The following SETDB2 variants were observed in gnomAD, a reference collection of about 807,000 sequenced individuals.
SETDB2 encodes the protein SET domain bifurcated histone lysine methyltransferase 2, also known as histone-lysine N-methyltransferase SETDB2.
A neutral mutation model predicts 82.5 loss-of-function variants in SETDB2; 56 were observed. The ratio of observed to expected loss-of-function variants is 0.68; its 90% CI spans 0.55 to 0.85. The LOEUF (loss-of-function observed/expected upper bound fraction) is 0.85, where lower values mean the gene tolerates loss of function less well. SETDB2 is among the 40% of genes least tolerant of loss of function. The pLI is 0.00. For synonymous variants in SETDB2, 272 were observed against 284.9 expected, an observed-to-expected ratio of 0.95 and a Z score of 0.46; for missense variants, 677 against 816.4, an observed-to-expected ratio of 0.83 and a Z score of 2.08.
intron 2 of SETDB2, among the ~76,000 whole-genome samples, chr13:49,453,387 C>G (rs954316615): frequency 6.6e-6 from 1 of 151,800 alleles, no homozygotes; most frequent in Non-Finnish European, 1.5e-5. Context: ...ACCTCTGCCT[C>G]CTGGGTTCAA....
At chr13:49,486,307 A>AAC in intron 11 of SETDB2, among the ~76,000 whole-genome samples, 1 of 151,058 alleles carries the variant, frequency 6.6e-6, no homozygotes, top group East Asian at 2.0e-4. Context: ...CTGTCTCAAA[A>AAC]AAAAAAATAA....
intron 2 of SETDB2, 66 bp from the exon 3 acceptor site, chr13:49,460,041 A>T: frequency 6.7e-7 from 1 of 1,495,972 alleles, no homozygotes; most frequent in Non-Finnish European, 9.1e-7. Context: ...GTTCTATAAC[A>T]TGTTCTTAGA....
Position 49,476,547 on chromosome 13 carries a change from C to T in SETDB2, c.377C>T (p.Ser126Leu), listed in dbSNP as rs779867444. 1.7e-5 allele frequency: 28 copies of T among 1,613,478 alleles called. No individual in the cohort carries two copies. The highest frequency in any genetic ancestry group is 2.2e-5 in the Non-Finnish European group (26 of 1,179,802). The stretch of plus-strand genomic sequence containing the variant: ...GACTTTAGAGAAAAAGACTCATCTT[C>T]GAATTTATCTTACCAAAGTCATGAC... ...VVDFREKDSS[S>L]NLSYQSHDCS... Residue 126 changes from serine to leucine, a missense_variant, in exon 6 of 14, where the codon TCG becomes TTG. This residue lies in a region of SETDB2 where 243 missense variants were observed against 237.2 expected (regional missense o/e 1.02). Transcript: ENST00000611815.
At chr13:49,477,394 C>T (rs543249785) in intron 6 of SETDB2, among the ~76,000 whole-genome samples, 1 of 152,086 alleles carries the variant, frequency 6.6e-6, no homozygotes, top group Non-Finnish European at 1.5e-5. Flanking sequence ...TGTGATCACA[C>T]ACTGTACCAG....
intron 5 of SETDB2, among the ~76,000 whole-genome samples, chr13:49,473,437 G>A: frequency 6.6e-6 from 1 of 151,458 alleles, no homozygotes; most frequent in East Asian, 1.9e-4. Context: ...TTTCGTCCCA[G>A]CTACTCGAGA....
intron 5 of SETDB2, among the ~76,000 whole-genome samples, chr13:49,475,606 C>T (rs996754091): frequency 6.6e-6 from 1 of 151,826 alleles, no homozygotes; most frequent in Non-Finnish European, 1.5e-5. Flanking sequence ...CCCACCTCAG[C>T]CCCCGAAGTA....
chr13:49,453,288 T>C (rs1957816501), intron 2 of SETDB2, among the ~76,000 whole-genome samples: 1 of 151,628 alleles, frequency 6.6e-6, no homozygotes, highest in Non-Finnish European at 1.5e-5. Context: ...GCTCTTTCAG[T>C]TGGCTCTTTT....
intron 6 of SETDB2, 28 bp downstream of exon 6, chr13:49,477,067 A>C (rs1190415901): frequency 6.5e-7 from 1 of 1,529,418 alleles, no homozygotes; most frequent in Non-Finnish European, 8.7e-7. Flanking sequence ...GCGTTTCAAA[A>C]AAATCTTCTG....
At chr13:49,469,591 A>G (rs1958186575) in intron 5 of SETDB2, among the ~76,000 whole-genome samples, 2 of 152,134 alleles carry the variant, frequency 1.3e-5, no homozygotes, top group Non-Finnish European at 2.9e-5. Context: ...TAACCTTTCT[A>G]TATTTTCTGT....
At chr13:49,447,372 C>T (rs1231503206) in intron 1 of SETDB2, among the ~76,000 whole-genome samples, 1 of 152,052 alleles carries the variant, frequency 6.6e-6, no homozygotes, top group East Asian at 1.9e-4. Flanking sequence ...CTTTAGGCCT[C>T]TTTTTATCTT....
intron 13 of SETDB2, among the ~76,000 whole-genome samples, chr13:49,491,126 C>T (rs1460085898): frequency 6.6e-6 from 1 of 152,110 alleles, no homozygotes; most frequent in African/African-American, 2.4e-5. Context: ...GTTTGGTGGC[C>T]AGCTACTCAG....
intron 2 of SETDB2, among the ~76,000 whole-genome samples, chr13:49,457,965 G>A (rs1183637362): frequency 6.6e-6 from 1 of 152,300 alleles, no homozygotes; most frequent in Admixed American, 6.5e-5. Flanking sequence ...ACTCATATCT[G>A]TGAAGGGAAA....
chr13:49,477,297 A>G (rs1264258278), intron 6 of SETDB2, among the ~76,000 whole-genome samples: 1 of 152,088 alleles, frequency 6.6e-6, no homozygotes, highest in Admixed American at 6.5e-5. Flanking sequence ...TTAGCTGGGT[A>G]TGGTGGTGTG....
At chr13:49,484,060 T>A (rs1259023006) in intron 10 of SETDB2, among the ~76,000 whole-genome samples, 8 of 152,308 alleles carry the variant, frequency 5.3e-5, no homozygotes, top group Non-Finnish European at 1.0e-4. Context: ...CATGTTCTGT[T>A]TACTTAGTAT....
chr13:49,465,737 A>C (rs775329003), intron 4 of SETDB2, among the ~76,000 whole-genome samples: 27 of 152,122 alleles, frequency 1.8e-4, no homozygotes, highest in Non-Finnish European at 2.9e-4. Flanking sequence ...GGGTTTCACT[A>C]TGTTGGCCAG....
chr13:49,458,096 T>C (rs1163689278), intron 2 of SETDB2, among the ~76,000 whole-genome samples: 1 of 152,202 alleles, frequency 6.6e-6, no homozygotes, highest in African/African-American at 2.4e-5. Flanking sequence ...TCACAAAATA[T>C]TTTCCTCATT....
At chr13:49,485,862 G>A (rs1310915559) in intron 11 of SETDB2, 139 bp downstream of exon 11, 2 of 856,954 alleles carry the variant, frequency 2.3e-6, no homozygotes, top group Middle Eastern at 2.2e-4. Context: ...GTCTACATAA[G>A]AGATCAGCAA....
At chr13:49,471,940 T>A (rs868200515) in intron 5 of SETDB2, among the ~76,000 whole-genome samples, 2,015 of 82,540 alleles carry the variant, frequency 0.024, 18 homozygotes, top group Middle Eastern at 0.068. Context: ...ATATATTTTT[T>A]TTTTTTTTTA....
chr13:49,472,382 G>C (rs984131228), intron 5 of SETDB2, among the ~76,000 whole-genome samples: 17 of 152,124 alleles, frequency 1.1e-4, no homozygotes, highest in Admixed American at 1.1e-3. Flanking sequence ...TTGATGTTCA[G>C]AGTGACTAAC....
Sources: allele counts gnomAD v4.1 joint callset (sites outside exome capture counted in the v4.1 genomes callset), GRCh38; gene constraint gnomAD v4.1.1; regional missense constraint gnomAD v4.1.1; transcripts MANE v1.5; gene names NCBI Gene and HGNC (gene_info 2026-07-23, HGNC 2026-07-21).